Variants in MDN1 observed in about 807,000 individuals in gnomAD.
The protein encoded by MDN1 is midasin.
A neutral mutation model predicts 669.2 loss-of-function variants in MDN1; 266 were observed. The ratio of observed to expected loss-of-function variants is 0.40; its 90% CI spans 0.36 to 0.44. The LOEUF is 0.44. MDN1 is among the 20% of genes least tolerant of loss of function. The pLI is 1.00. For synonymous variants in MDN1, 2,385 were observed against 2,457.1 expected (o/e 0.97, Z 0.87); for missense variants, 5,940 against 6,754.0 (o/e 0.88, Z 4.22).
At chr6:89,794,507 A>T in intron 3 of MDN1, 70 bp downstream of exon 3, 1 of 1,430,680 alleles carries the variant, frequency 7.0e-7, no homozygotes, top group East Asian at 2.3e-5. Context: ...CCCTCCTGAC[A>T]CACACAACTC....
chr6:89,756,141 A>C, intron 20 of MDN1, 136 bp downstream of exon 20: 1 of 494,660 alleles, frequency 2.0e-6, no homozygotes. Context: ...ACTTTACAAG[A>C]GAATCTAAAT....
At chr6:89,679,666 G>T (rs543477095) in intron 74 of MDN1, among the ~76,000 whole-genome samples, 2 of 152,186 alleles carry the variant, frequency 1.3e-5, no homozygotes, top group African/African-American at 4.8e-5. Flanking sequence ...AAGGAGAGAG[G>T]CTTCAGAAGT....
In MDN1 at chr6:89,781,461, T is replaced by A. The variant is rs1174107225; in HGVS notation, c.1581A>T (p.Glu527Asp). The A allele has an allele frequency of 3.7e-6, 6 of 1,614,070 alleles. No homozygotes were observed. The Admixed American group carries it at 1.0e-4, about 27-fold the overall frequency. ...TGTTTTCTCTTCTGGCTTCTGAAAC[T>A]TCTTCAGGTGCCTGTTCACATCCAA... is the stretch of plus-strand genomic sequence containing the variant. ...SSVGCEQAPEEVSEARRENKR... is the reference protein window; with the variant it reads ...SSVGCEQAPEDVSEARRENKR... The change falls in exon 10 of 102, where the codon GAA becomes GAT. Residue 527 changes from glutamate to aspartate, a missense_variant. Coordinates refer to ENST00000369393, the MANE Select transcript of MDN1 (RefSeq NM_014611.3).
chr6:89,753,432 A>G (rs200648392), intron 22 of MDN1, 80 bp downstream of exon 22: 68,697 of 839,970 alleles, frequency 0.082, 6,676 homozygotes, highest in East Asian at 0.47. Flanking sequence ...AGTTATGTGA[A>G]AAAAAAAAAA....
intron 100 of MDN1, among the ~76,000 whole-genome samples, chr6:89,645,823 C>G (rs1040698226): frequency 6.6e-6 from 1 of 152,188 alleles, no homozygotes; most frequent in Non-Finnish European, 1.5e-5. Flanking sequence ...TAACTTGCTT[C>G]CATCAAAATC....
chr6:89,813,819 C>A (rs149243013), intron 1 of MDN1, among the ~76,000 whole-genome samples: 2 of 151,920 alleles, frequency 1.3e-5, no homozygotes, highest in African/African-American at 4.8e-5. Flanking sequence ...GTAAGTATGC[C>A]TGTAATTCCA....
At chr6:89,772,354 A>C (rs184716871) in intron 14 of MDN1, among the ~76,000 whole-genome samples, 5 of 152,330 alleles carry the variant, frequency 3.3e-5, no homozygotes, top group Admixed American at 3.3e-4. Flanking sequence ...TTTTGAAATA[A>C]AACAAAATCT....
intron 49 of MDN1, among the ~76,000 whole-genome samples, chr6:89,711,787 T>C (rs981827910): frequency 1.3e-5 from 2 of 152,224 alleles, no homozygotes; most frequent in African/African-American, 4.8e-5. Flanking sequence ...GCTTTCCTTT[T>C]GAATTTGTTA....
At position 89,696,410 on chromosome 6, in the gene MDN1, G is replaced by T. The variant is rs1344030580; in HGVS notation, c.9333C>A (p.Ile3111=). Residue 3111 remains isoleucine (I), a synonymous_variant, in exon 60 of 102, where the codon ATC becomes ATA. Coordinates refer to ENST00000369393, the MANE Select transcript of MDN1 (RefSeq NM_014611.3). ...WVERTQQLQD[I]SSMLWTNMAI... is the part of the protein sequence containing the mutation. ...CCATGTTAGTCCAAAGCATCGAACT[G>T]ATGTCCTGGAGCTGCTGAGTTCTCT... 3 of 1,614,158 alleles carry T rather than the reference G, an allele frequency of 1.9e-6. No homozygotes were observed. The highest frequency in any genetic ancestry group is 2.5e-6 in the Non-Finnish European group (3 of 1,180,014).
chr6:89,660,273 C>G (rs926605199), intron 88 of MDN1, among the ~76,000 whole-genome samples: 13 of 152,166 alleles, frequency 8.5e-5, no homozygotes, highest in Admixed American at 5.9e-4. Context: ...GCAGCCTCAA[C>G]CTCCTGAGCT....
intron 15 of MDN1, among the ~76,000 whole-genome samples, chr6:89,769,164 G>A (rs959450235): frequency 6.6e-6 from 1 of 152,016 alleles, no homozygotes; most frequent in Non-Finnish European, 1.5e-5. Flanking sequence ...CAGCAACACG[G>A]CCTGAGGATA....
At chr6:89,713,493 CCT>C (rs1336484551) in intron 46 of MDN1, among the ~76,000 whole-genome samples, 197 bp from the exon 47 acceptor site, 1 of 152,082 alleles carries the variant, frequency 6.6e-6, no homozygotes, top group East Asian at 1.9e-4. Flanking sequence ...TCCTATCTCC[CCT>C]GTTTCTCTAT....
chr6:89,692,080 C>A (rs1309716536), intron 63 of MDN1, among the ~76,000 whole-genome samples: 1 of 152,124 alleles, frequency 6.6e-6, no homozygotes, highest in Non-Finnish European at 1.5e-5. Flanking sequence ...TTTTAGTATT[C>A]TCTTAATTGC....
At chr6:89,718,738 G>T in intron 42 of MDN1, 29 bp downstream of exon 42, 1 of 1,611,116 alleles carries the variant, frequency 6.2e-7, no homozygotes, top group Non-Finnish European at 8.5e-7. Flanking sequence ...ATTATGCTTT[G>T]CCAGAAAATA....
At chr6:89,789,170 C>A (rs1161200220) in intron 7 of MDN1, among the ~76,000 whole-genome samples, 1 of 152,078 alleles carries the variant, frequency 6.6e-6, no homozygotes, top group South Asian at 2.1e-4. Flanking sequence ...CTCGGGAAAA[C>A]TCTGTCCAAA....
chr6:89,803,938 A>G (rs1331879179), intron 1 of MDN1, among the ~76,000 whole-genome samples: 2 of 109,828 alleles, frequency 1.8e-5, no homozygotes, highest in Non-Finnish European at 3.4e-5. Context: ...GTCCTGCTCC[A>G]TCTCCCAGGC....
chr6:89,709,193 A>G (rs774064075), intron 50 of MDN1, among the ~76,000 whole-genome samples: 1 of 152,150 alleles, frequency 6.6e-6, no homozygotes, highest in Non-Finnish European at 1.5e-5. Context: ...AGTTGTGAAA[A>G]CCCAAGGAAG....
rs751236316 is a variant in MDN1, at chr6:89,732,684, G to C, written c.4815C>G (p.Ile1605Met). The C allele has an allele frequency of 1.2e-6, 2 of 1,613,882 alleles. No individual in the cohort carries two copies. Among genetic ancestry groups the C allele is most frequent in the Non-Finnish European group, 1.7e-6 (2 of 1,179,970 alleles). ...TGTTCATGAAGTTAACCCAGGACAGGATATCTCTGATACTGACCACACACT... is the reference window on the plus strand; with the variant it reads ...TGTTCATGAAGTTAACCCAGGACAGCATATCTCTGATACTGACCACACACT... The part of the protein sequence containing the change: ...GRKCVVSIRD[I>M]LSWVNFMNKM... Residue 1605 changes from isoleucine to methionine, a missense_variant, in exon 34 of 102, where the codon ATC (isoleucine) becomes ATG (methionine). Physicochemically the swap from Ile to Met is conservative, Grantham distance 10. Coordinates refer to ENST00000369393, the MANE Select transcript of MDN1 (RefSeq NM_014611.3).
At chr6:89,677,820 C>CAGCCTG in intron 75 of MDN1, 124 bp from the exon 76 acceptor site, 1 of 1,283,250 alleles carries the variant, frequency 7.8e-7, no homozygotes, top group Non-Finnish European at 1.1e-6. Context: ...GTTAGAAATG[C>CAGCCTG]AGACTCTCAG....
Sources: gnomAD v4.1 joint callset for allele counts (sites outside exome capture counted in the v4.1 genomes callset) on GRCh38, gnomAD v4.1.1 for gene constraint, MANE v1.5 for transcripts, NCBI Gene and HGNC (gene_info 2026-07-23, HGNC 2026-07-21) for gene names.